OPCML: variants seen among roughly 807,000 people sequenced by gnomAD.
OPCML encodes the protein opioid binding protein/cell adhesion molecule like, also known as opioid-binding protein/cell adhesion molecule.
OPCML carries 13 observed loss-of-function variants against 37.8 expected under a neutral mutation model. That is an observed-to-expected ratio of 0.34 (90% CI 0.22 to 0.55). The LOEUF (loss-of-function observed/expected upper bound fraction) is 0.55. Among genes scored for constraint, OPCML ranks in the 20% least tolerant of loss-of-function variants. The pLI is 0.91. For missense variants in OPCML, 341 were observed against 435.6 expected (o/e 0.78, Z 1.93); for synonymous variants, 176 against 168.8 (o/e 1.04, Z -0.33).
chr11:133,438,327 G>A (rs546266662), intron 1 of OPCML, among the ~76,000 whole-genome samples: 197 of 152,192 alleles, frequency 1.3e-3, no homozygotes, highest in African/African-American at 4.6e-3. Flanking sequence ...CAAATCACAA[G>A]GGAGGGAATA....
At chr11:133,458,266 G>A (rs1448957727) in intron 1 of OPCML, among the ~76,000 whole-genome samples, 29 of 73,364 alleles carry the variant, frequency 4.0e-4, no homozygotes, top group African/African-American at 3.4e-3. Flanking sequence ...ACACGTGTGT[G>A]TATATATACA....
intron 2 of OPCML, among the ~76,000 whole-genome samples, chr11:132,871,584 G>A (rs368314522): frequency 6.6e-6 from 1 of 152,168 alleles, no homozygotes; most frequent in East Asian, 1.9e-4. Flanking sequence ...CCATGGATGC[G>A]GCATAGCACT....
chr11:133,296,357 C>A (rs368596775), intron 1 of OPCML, among the ~76,000 whole-genome samples: 2 of 152,252 alleles, frequency 1.3e-5, no homozygotes, highest in South Asian at 4.2e-4. Context: ...TCATTGTCAG[C>A]CCATGATTTG....
chr11:132,857,009 A>T (rs750504557), intron 2 of OPCML, among the ~76,000 whole-genome samples: 4 of 151,916 alleles, frequency 2.6e-5, no homozygotes, highest in Non-Finnish European at 5.9e-5. Flanking sequence ...CCTTGGATGA[A>T]TTTTTTTTCT....
intron 1 of OPCML, among the ~76,000 whole-genome samples, chr11:133,432,955 C>T (rs2136920310): frequency 6.6e-6 from 1 of 152,240 alleles, no homozygotes; most frequent in East Asian, 1.9e-4. Context: ...GGCACTAACC[C>T]ATGAATGGTG....
intron 3 of OPCML, among the ~76,000 whole-genome samples, chr11:132,632,271 G>A (rs568481551): frequency 5.2e-4 from 73 of 139,726 alleles, no homozygotes; most frequent in African/African-American, 1.7e-3. Flanking sequence ...TTTTTGGAGG[G>A]AGCAAGGAGG....
chr11:132,457,581 T>C (rs1469099365), intron 4 of OPCML, among the ~76,000 whole-genome samples: 2 of 152,106 alleles, frequency 1.3e-5, no homozygotes, highest in Non-Finnish European at 2.9e-5. Context: ...ACAGCAAACC[T>C]TAATAAGGAC....
intron 2 of OPCML, among the ~76,000 whole-genome samples, chr11:132,881,722 T>C (rs1316774023): frequency 1.3e-5 from 2 of 152,218 alleles, no homozygotes; most frequent in Non-Finnish European, 2.9e-5. Context: ...AAAAACGCTG[T>C]TGTCTTTTCA....
rs1399000472 is a variant in OPCML at position 133,212,245 on chromosome 11, G to A, written c.62-269235C>T. On this transcript the variant is annotated intron_variant, in intron 1 of 7. Transcript: ENST00000524381. This position sits in a 1 kb window ranked among gnomAD's most constrained non-coding sequence, Gnocchi z 4.9. ...ATTTTTCCTGCCCACCACCCCGATA[G>A]GTGCACAAAGTCCTCCTAATAGTCC... is the stretch of plus-strand genomic sequence containing the variant. Among the ~76,000 whole-genome samples the A allele has an allele frequency of 6.6e-6, 1 of 152,128 alleles. No individual in the cohort carries two copies. The highest frequency in any genetic ancestry group is 6.5e-5 in the Admixed American group (1 of 15,276).
rs749461018 is a variant in OPCML at position 132,657,109 on chromosome 11, G to A, written c.357C>T (p.Ser119=). The A allele has an allele frequency of 3.1e-5, 50 of 1,614,190 alleles. No individual in the cohort carries two copies. The highest frequency in any genetic ancestry group is 4.2e-5 in the Non-Finnish European group (50 of 1,180,024). The change falls in exon 3 of 8, where the codon TCC becomes TCT. Residue 119 remains serine (S), a synonymous_variant. Coordinates refer to ENST00000524381, the MANE Select transcript of OPCML (RefSeq NM_001012393.5). Reference sequence around the variant, plus strand: ...TACCTTGCACTATTAGGTGAACCCGGGACGTTTTGGGATGATTGTCTGTCT... The same window carrying A: ...TACCTTGCACTATTAGGTGAACCCGAGACGTTTTGGGATGATTGTCTGTCT... The part of the protein sequence containing the change: ...SVQTDNHPKT[S]RVHLIVQVPP...
In OPCML at chr11:133,448,519, G is replaced by A. The variant is rs113351192; in HGVS notation, c.61+83745C>T. Among the ~76,000 whole-genome samples the A allele has an allele frequency of 2.5e-3, 375 of 152,138 alleles. 2 individuals are homozygous for A. The highest frequency in any genetic ancestry group is 7.9e-3 in the African/African-American group (328 of 41,518). On this transcript the variant is annotated intron_variant, in intron 1 of 7. Coordinates refer to ENST00000524381, the MANE Select transcript of OPCML (RefSeq NM_001012393.5). Reference sequence around the variant, plus strand: ...GTCACCCAGGCTGGAGTGCAAAGGCGCGATCTCGACTCACCGCAACCTCCA... The same window carrying A: ...GTCACCCAGGCTGGAGTGCAAAGGCACGATCTCGACTCACCGCAACCTCCA...
At chr11:132,915,511 A>T (rs1944576443) in intron 2 of OPCML, among the ~76,000 whole-genome samples, 1 of 152,212 alleles carries the variant, frequency 6.6e-6, no homozygotes, top group Non-Finnish European at 1.5e-5. Context: ...TTCCCCCTGC[A>T]GAGCCTGGGA....
rs931003041 is a variant in OPCML at position 132,884,494 on chromosome 11, T to G, written c.146+58432A>C. 3.9e-5 allele frequency among the ~76,000 whole-genome samples: 6 copies of G among 152,334 alleles called. No individual in the cohort carries two copies. The East Asian group carries it at 1.2e-3, about 29-fold the overall frequency. On this transcript the variant is annotated intron_variant, in intron 2 of 7. Transcript: ENST00000524381. ...GAAAGATTGCTTGGGGTTTCTTTAT[T>G]TGACTAGATCTTAGAAAATAAAACA...
At chr11:132,437,615 G>A in intron 4 of OPCML, 1 of 305,250 alleles carries the variant, frequency 3.3e-6, no homozygotes. Context: ...GTAAGAACAT[G>A]TCATTATTTT....
intron 2 of OPCML, among the ~76,000 whole-genome samples, chr11:132,712,003 A>C (rs1023396202): frequency 2.6e-5 from 4 of 152,226 alleles, no homozygotes; most frequent in Non-Finnish European, 5.9e-5. Flanking sequence ...CAGAGCCTGC[A>C]TGAAAGAACC....
chr11:133,475,278 A>C (rs1004335977), intron 1 of OPCML, among the ~76,000 whole-genome samples: 4 of 151,990 alleles, frequency 2.6e-5, no homozygotes, highest in Admixed American at 2.6e-4. Flanking sequence ...AAGACAATAC[A>C]AATATTTCAA....
intron 1 of OPCML, among the ~76,000 whole-genome samples, chr11:133,383,907 G>C (rs1215465082): frequency 6.6e-6 from 1 of 152,116 alleles, no homozygotes; most frequent in Non-Finnish European, 1.5e-5. Context: ...TCATGCTACA[G>C]TGCAGGGAGA....
At chr11:132,708,042 A>G (rs905762967) in intron 2 of OPCML, among the ~76,000 whole-genome samples, 1 of 152,198 alleles carries the variant, frequency 6.6e-6, no homozygotes, top group Non-Finnish European at 1.5e-5. Flanking sequence ...TTTATATTTC[A>G]CCAAAATTCA....
intron 1 of OPCML, chr11:133,006,191 T>A (rs1451303496): frequency 3.7e-5 from 33 of 880,532 alleles, no homozygotes; most frequent in Non-Finnish European, 4.2e-5. Context: ...TCGCGCCATC[T>A]GTAGTAGGGA....
Sources: allele counts gnomAD v4.1 joint callset (sites outside exome capture counted in the v4.1 genomes callset), GRCh38; gene constraint gnomAD v4.1.1; non-coding constraint Gnocchi (gnomAD v3.1); transcripts MANE v1.5; gene names NCBI Gene and HGNC (gene_info 2026-07-23, HGNC 2026-07-21).